Variants in LEKR1 observed in about 807,000 individuals in gnomAD.
LEKR1 encodes the protein protein LEKR1.
Under a neutral mutation model 72.4 loss-of-function variants are expected in LEKR1, and 59 were observed. That is an observed-to-expected ratio of 0.82 (90% CI 0.66 to 1.01). The LOEUF is 1.01. LEKR1 is among the 50% of genes least tolerant of loss of function. The pLI, the probability that LEKR1 is intolerant of heterozygous loss-of-function variation, is 0.00. For missense variants in LEKR1, 728 were observed against 759.2 expected (o/e 0.96, Z 0.48); for synonymous variants, 257 against 263.2 (o/e 0.98, Z 0.23).
At chr3:156,886,448 C>T (rs1349127161) in intron 3 of LEKR1, among the ~76,000 whole-genome samples, 1 of 152,150 alleles carries the variant, frequency 6.6e-6, no homozygotes, top group Non-Finnish European at 1.5e-5. Flanking sequence ...AGCAGCTCCC[C>T]CTTGTCCCCT....
At chr3:157,031,105 T>A (rs1052742867) in intron 12 of LEKR1, among the ~76,000 whole-genome samples, 5 of 151,968 alleles carry the variant, frequency 3.3e-5, no homozygotes, top group African/African-American at 9.7e-5. Flanking sequence ...TAAGGGGGCG[T>A]TTTAAAGGCT....
intron 2 of LEKR1, among the ~76,000 whole-genome samples, chr3:156,829,582 A>C (rs1190815749): frequency 1.3e-5 from 2 of 152,256 alleles, no homozygotes; most frequent in Non-Finnish European, 2.9e-5. Flanking sequence ...GGAAGAAGAC[A>C]TATATCTAAT....
At chr3:157,005,583 C>A (rs1017642099) in intron 9 of LEKR1, among the ~76,000 whole-genome samples, 1 of 151,898 alleles carries the variant, frequency 6.6e-6, no homozygotes, top group African/African-American at 2.4e-5. Context: ...GGGCTAAAAT[C>A]AAGATAACAT....
chr3:156,877,971 T>TGGGG (rs1425728044), intron 3 of LEKR1, among the ~76,000 whole-genome samples: 4 of 151,924 alleles, frequency 2.6e-5, no homozygotes, highest in Non-Finnish European at 5.9e-5. Flanking sequence ...TTGGTAGAGA[T>TGGGG]GGGGTTTCAC....
intron 3 of LEKR1, among the ~76,000 whole-genome samples, chr3:156,898,425 A>G (rs1375761560): frequency 6.6e-6 from 1 of 152,160 alleles, no homozygotes; most frequent in Non-Finnish European, 1.5e-5. Context: ...TGCATTTATT[A>G]AAGAATTCCC....
In LEKR1 at chr3:156,855,621, G is replaced by C. The variant is rs182093863; in HGVS notation, c.263+2639G>C. On this transcript the variant is annotated intron_variant, in intron 3 of 12. Coordinates refer to ENST00000356539, the MANE Select transcript of LEKR1 (RefSeq NM_001004316.3). ...CTTTTAAAAATTTTAATAATATCCT[G>C]TGCCAGGTTCTGGTTGGTTAAGAGT... Among the ~76,000 whole-genome samples, 608 of 152,026 alleles carry C rather than the reference G, an allele frequency of 4.0e-3. 3 individuals are homozygous for C. Among genetic ancestry groups the C allele is most frequent in the African/African-American group, 0.014 (592 of 41,492 alleles).
chr3:156,858,401 G>A lies in LEKR1; in HGVS notation c.263+5419G>A, dbSNP rs548001965. Among the ~76,000 whole-genome samples, 44 of 152,140 alleles carry A rather than the reference G, an allele frequency of 2.9e-4. 1 individual carries two copies. In the South Asian group the frequency reaches 8.1e-3, roughly 28 times the overall value. Reference sequence around the variant, plus strand: ...AATTTATATTTATCAGGCCAGGCGCGGTGGCTCACGCTTGTAATCCCAGCA... The same window carrying A: ...AATTTATATTTATCAGGCCAGGCGCAGTGGCTCACGCTTGTAATCCCAGCA... On this transcript the variant is annotated intron_variant, in intron 3 of 12. Transcript: ENST00000356539.
chr3:156,888,176 G>A, intron 3 of LEKR1: 2 of 632,618 alleles, frequency 3.2e-6, no homozygotes, highest in South Asian at 1.8e-5. Context: ...GAGTAGGAGT[G>A]GGGAGAGGAT....
At position 156,979,198 on chromosome 3, in the gene LEKR1, A is replaced by G. The variant is rs1233785291; in HGVS notation, c.750A>G (p.Leu250=). Residue 250 remains leucine, a synonymous_variant, in exon 7 of 13, where the codon TTA becomes TTG. Transcript: ENST00000356539. ...AAATACATTGTGTCATTTCAGATTT[A>G]CAATGTCTAGTAGAGGCACTTGGAT... is the stretch of plus-strand genomic sequence containing the variant. The part of the protein sequence containing the change: ...CYDLQKEVLD[L]QCLVEALGLK... 7.9e-7 allele frequency: 1 copy of G among 1,268,248 alleles called. No homozygotes were observed. The highest frequency in any genetic ancestry group is 1.0e-6 in the Non-Finnish European group (1 of 968,086). 78.6% of individuals were successfully genotyped at this position (1,268,248 alleles called of 1,614,324 possible). A position where few individuals can be genotyped will look rare whatever the true frequency, so the allele number is the denominator to read the frequency against.
At chr3:157,029,263 T>C (rs1432048603) in intron 12 of LEKR1, among the ~76,000 whole-genome samples, 1 of 152,192 alleles carries the variant, frequency 6.6e-6, no homozygotes, top group Non-Finnish European at 1.5e-5. Context: ...ATTGTAATTA[T>C]GTAATTATGA....
At chr3:157,033,300 A>G (rs962386998) in intron 12 of LEKR1, among the ~76,000 whole-genome samples, 1 of 152,240 alleles carries the variant, frequency 6.6e-6, no homozygotes, top group African/African-American at 2.4e-5. Context: ...GATAAGCCAG[A>G]AGCTAAGCCT....
At chr3:156,907,242 A>G (rs1481355443) in intron 3 of LEKR1, among the ~76,000 whole-genome samples, 1 of 152,022 alleles carries the variant, frequency 6.6e-6, no homozygotes, top group Admixed American at 6.6e-5. Flanking sequence ...GATGAAGATC[A>G]TTTCTATTCT....
Position 157,024,795 on chromosome 3 carries a change from C to G in LEKR1, c.1239C>G (p.His413Gln), listed in dbSNP as rs763279780. Residue 413 changes from histidine (H) to glutamine (Q), a missense_variant, in exon 11 of 13, where the codon CAC becomes CAG. His to Gln is a conservative substitution (Grantham distance 24, BLOSUM62 0). Transcript: ENST00000356539. ...EAELAKERAQHLVEFEEQALL... is the reference protein window; with the variant it reads ...EAELAKERAQQLVEFEEQALL... Reference sequence around the variant, plus strand: ...AACTTGCCAAGGAAAGGGCCCAACACTTGGTTGAATTTGAAGAGCAAGCTC... The same window carrying G: ...AACTTGCCAAGGAAAGGGCCCAACAGTTGGTTGAATTTGAAGAGCAAGCTC... 3 of 1,611,146 alleles carry G rather than the reference C, an allele frequency of 1.9e-6. No individual in the cohort carries two copies. Among genetic ancestry groups the G allele is most frequent in the Non-Finnish European group, 2.5e-6 (3 of 1,179,184 alleles).
At position 156,863,399 on chromosome 3, in the gene LEKR1, C is replaced by T. The variant is rs150489322; in HGVS notation, c.263+10417C>T. On this transcript the variant is annotated intron_variant, in intron 3 of 12. Coordinates refer to ENST00000356539, the MANE Select transcript of LEKR1 (RefSeq NM_001004316.3). ...GCTTTTCTCTTGACCCTCATCCCTCCACCCATCTCCTTACTGCCTCACTTA... is the reference window on the plus strand; with the variant it reads ...GCTTTTCTCTTGACCCTCATCCCTCTACCCATCTCCTTACTGCCTCACTTA... Among the ~76,000 whole-genome samples, 3 of 152,160 alleles carry T rather than the reference C, an allele frequency of 2.0e-5. No individual in the cohort carries two copies. In the East Asian group the frequency reaches 5.8e-4, roughly 29 times the overall value.
At chr3:157,008,193 G>A (rs1365115932) in intron 9 of LEKR1, among the ~76,000 whole-genome samples, 1 of 152,100 alleles carries the variant, frequency 6.6e-6, no homozygotes, top group Non-Finnish European at 1.5e-5. Context: ...AGCACAATTT[G>A]AACAGTGACT....
At chr3:156,934,943 A>G (rs779523739) in intron 5 of LEKR1, among the ~76,000 whole-genome samples, 1 of 152,176 alleles carries the variant, frequency 6.6e-6, no homozygotes, top group Non-Finnish European at 1.5e-5. Flanking sequence ...TAGGTTGATC[A>G]TAGTCTGGCT....
At chr3:156,994,060 G>A (rs1204539095) in intron 9 of LEKR1, among the ~76,000 whole-genome samples, 1 of 151,926 alleles carries the variant, frequency 6.6e-6, no homozygotes, top group Non-Finnish European at 1.5e-5. Flanking sequence ...TTTCATAAGG[G>A]CAGGAATTTT....
chr3:157,035,011 A>T (rs183793336), intron 12 of LEKR1, among the ~76,000 whole-genome samples: 190 of 152,286 alleles, frequency 1.2e-3, no homozygotes, highest in African/African-American at 4.2e-3. Context: ...TCAACATTGA[A>T]GCAAGACCCT....
In LEKR1 at chr3:156,902,046, T is replaced by C. The variant is rs189400672; in HGVS notation, c.264-18529T>C. 1.0e-3 allele frequency among the ~76,000 whole-genome samples: 154 copies of C among 152,308 alleles called. 1 individual carries two copies. The highest frequency in any genetic ancestry group is 1.6e-3 in the Non-Finnish European group (107 of 68,016). On this transcript the variant is annotated intron_variant, in intron 3 of 12. Transcript: ENST00000356539. Reference sequence around the variant, plus strand: ...GAAGCTCACATATAATTTTCTTGAATGTTTTCAAAGAAAAACAGACCAGGG... The same window carrying C: ...GAAGCTCACATATAATTTTCTTGAACGTTTTCAAAGAAAAACAGACCAGGG...
Sources: allele counts gnomAD v4.1 joint callset (sites outside exome capture counted in the v4.1 genomes callset), GRCh38; gene constraint gnomAD v4.1.1; transcripts MANE v1.5; gene names NCBI Gene and HGNC (gene_info 2026-07-23, HGNC 2026-07-21).